GRIK2: variants seen among roughly 807,000 people sequenced by gnomAD.
The protein encoded by GRIK2 is glutamate ionotropic receptor kainate type subunit 2, also known as glutamate receptor ionotropic, kainate 2.
A neutral mutation model predicts 100.3 loss-of-function variants in GRIK2; 32 were observed. The ratio of observed to expected loss-of-function variants is 0.32; its 90% CI spans 0.24 to 0.43. GRIK2 has a LOEUF of 0.43. GRIK2 is among the 20% of genes least tolerant of loss of function. The probability of loss-of-function intolerance (pLI) is 1.00; values close to 1 mark genes in which losing one functional copy is unlikely to be tolerated. For synonymous variants in GRIK2, 417 were observed against 389.4 expected (o/e 1.07, Z -0.83); for missense variants, 843 against 1,114.9 (o/e 0.76, Z 3.47).
In GRIK2 at chr6:101,661,443, C is replaced by T. The variant is rs147972450; in HGVS notation, c.542-15180C>T. On this transcript the variant is annotated intron_variant, in intron 4 of 16. Transcript: ENST00000369134. ...GGGTGAGATACGCTGAGCTAGACCACTTGGCTCCCTGACTTCAGCCCCCTT... is the reference window on the plus strand; with the variant it reads ...GGGTGAGATACGCTGAGCTAGACCATTTGGCTCCCTGACTTCAGCCCCCTT... Among the ~76,000 whole-genome samples the T allele has an allele frequency of 7.7e-3, 1,167 of 152,234 alleles. 10 individuals are homozygous for T. Among genetic ancestry groups the T allele is most frequent in the Admixed American group, 0.022 (330 of 15,290 alleles).
chr6:101,795,052 A>G (rs919525373), intron 7 of GRIK2, among the ~76,000 whole-genome samples: 6 of 151,980 alleles, frequency 3.9e-5, no homozygotes. Context: ...TTTTTAGTAG[A>G]GACCAGGTTT....
chr6:101,933,658 C>T (rs972563309), intron 14 of GRIK2, among the ~76,000 whole-genome samples: 1 of 151,818 alleles, frequency 6.6e-6, no homozygotes, highest in Non-Finnish European at 1.5e-5. Context: ...CACCTTGTTA[C>T]TTTTGTCAAA....
At chr6:101,775,876 T>C (rs1171116556) in intron 7 of GRIK2, among the ~76,000 whole-genome samples, 1 of 151,644 alleles carries the variant, frequency 6.6e-6, no homozygotes, top group Admixed American at 6.6e-5. Flanking sequence ...CAGGCTGGAG[T>C]GCAGTGGCAC....
At chr6:101,961,876 G>C (rs1397371508) in intron 14 of GRIK2, among the ~76,000 whole-genome samples, 1 of 152,134 alleles carries the variant, frequency 6.6e-6, no homozygotes, top group Non-Finnish European at 1.5e-5. Flanking sequence ...CAAGAGCTGA[G>C]ACTCTTTGGG....
intron 10 of GRIK2, among the ~76,000 whole-genome samples, chr6:101,842,735 T>C (rs1783590621): frequency 6.6e-6 from 1 of 152,216 alleles, no homozygotes; most frequent in Non-Finnish European, 1.5e-5. Flanking sequence ...TAATTCTCAT[T>C]GCACAAGATC....
chr6:101,653,951 C>T lies in GRIK2; in HGVS notation c.542-22672C>T, dbSNP rs192054543. ...AATATCTTTCTAGTGGAAAATTATA[C>T]CGGCTTATGCACTTCTCTCATGGTA... On this transcript the variant is annotated intron_variant, in intron 4 of 16. Coordinates refer to ENST00000369134, the MANE Select transcript of GRIK2 (RefSeq NM_021956.5). Among the ~76,000 whole-genome samples, 5 of 152,130 alleles carry T rather than the reference C, an allele frequency of 3.3e-5. No homozygotes were observed. In the East Asian group the frequency reaches 9.7e-4, roughly 30 times the overall value.
At chr6:101,697,178 T>G (rs2128350024) in intron 7 of GRIK2, among the ~76,000 whole-genome samples, 1 of 152,136 alleles carries the variant, frequency 6.6e-6, no homozygotes. Flanking sequence ...CCTACCTGGC[T>G]TTTTATAATT....
At chr6:101,453,184 T>C (rs1752716487) in intron 2 of GRIK2, among the ~76,000 whole-genome samples, 1 of 151,866 alleles carries the variant, frequency 6.6e-6, no homozygotes, top group African/African-American at 2.4e-5. Context: ...AATAGCAGCT[T>C]CAGATTTCCC....
chr6:101,954,627 T>A (rs1360226313), intron 14 of GRIK2, among the ~76,000 whole-genome samples: 1 of 152,200 alleles, frequency 6.6e-6, no homozygotes, highest in Non-Finnish European at 1.5e-5. Flanking sequence ...GGATTTCCTA[T>A]ATACAAGATC....
intron 2 of GRIK2, among the ~76,000 whole-genome samples, chr6:101,521,152 A>C (rs1472557272): frequency 6.6e-6 from 1 of 152,082 alleles, no homozygotes; most frequent in African/African-American, 2.4e-5. Flanking sequence ...AAGAAATGAA[A>C]GCATAAAAAT....
intron 7 of GRIK2, among the ~76,000 whole-genome samples, chr6:101,767,397 CTTT>C (rs1778104397): frequency 6.6e-6 from 1 of 151,868 alleles, no homozygotes; most frequent in Admixed American, 6.6e-5. Flanking sequence ...TATGATCTCT[CTTT>C]CTTTCTTTAT....
At chr6:101,615,788 C>T (rs1779866450) in intron 2 of GRIK2, among the ~76,000 whole-genome samples, 1 of 151,676 alleles carries the variant, frequency 6.6e-6, no homozygotes, top group African/African-American at 2.4e-5. Context: ...TTTGCAGGCT[C>T]ATGAACAGGT....
chr6:101,817,891 G>T (rs1781730914), intron 9 of GRIK2, among the ~76,000 whole-genome samples: 1 of 152,174 alleles, frequency 6.6e-6, no homozygotes, highest in South Asian at 2.1e-4. Flanking sequence ...CCCACCAGGG[G>T]TAGTGCAAAA....
intron 14 of GRIK2, among the ~76,000 whole-genome samples, chr6:101,992,842 T>C (rs1794446647): frequency 1.3e-5 from 2 of 151,648 alleles, no homozygotes; most frequent in Non-Finnish European, 1.5e-5. Flanking sequence ...AGAATTTCAC[T>C]ACTTTGGAAG....
chr6:101,566,074 G>A (rs1389179885), intron 2 of GRIK2, among the ~76,000 whole-genome samples: 1 of 151,298 alleles, frequency 6.6e-6, no homozygotes, highest in Non-Finnish European at 1.5e-5. Context: ...TCTTCATACT[G>A]AGTAAGCTGA....
chr6:101,874,785 T>C (rs997405010), intron 11 of GRIK2, among the ~76,000 whole-genome samples: 1 of 152,158 alleles, frequency 6.6e-6, no homozygotes, highest in Non-Finnish European at 1.5e-5. Context: ...GGAAGTGGTT[T>C]GTAGTTCTCC....
chr6:101,401,879 C>T (rs1399424636), intron 2 of GRIK2, among the ~76,000 whole-genome samples: 1 of 152,170 alleles, frequency 6.6e-6, no homozygotes, highest in Non-Finnish European at 1.5e-5. Context: ...AGAGACCCGC[C>T]GCCTCTGCTG....
chr6:101,422,056 C>T (rs1214081746), intron 2 of GRIK2, among the ~76,000 whole-genome samples: 1 of 152,148 alleles, frequency 6.6e-6, no homozygotes, highest in Non-Finnish European at 1.5e-5. Flanking sequence ...AAATTCCCAA[C>T]TCTTATTCTG....
intron 4 of GRIK2, among the ~76,000 whole-genome samples, chr6:101,658,668 C>T (rs1286551918): frequency 6.6e-6 from 1 of 152,190 alleles, no homozygotes; most frequent in African/African-American, 2.4e-5. Flanking sequence ...TGCTATTTCC[C>T]ACATCCTCTC....
Sources: gnomAD v4.1 joint callset for allele counts (sites outside exome capture counted in the v4.1 genomes callset) on GRCh38, gnomAD v4.1.1 for gene constraint, MANE v1.5 for transcripts, NCBI Gene and HGNC (gene_info 2026-07-23, HGNC 2026-07-21) for gene names.